Variants in ZNF202 observed in about 807,000 individuals in gnomAD.
ZNF202 encodes the protein zinc finger protein 202.
A neutral mutation model predicts 54.5 loss-of-function variants in ZNF202; 22 were observed. The ratio of observed to expected loss-of-function variants is 0.40; its 90% CI spans 0.29 to 0.58. ZNF202 has a LOEUF of 0.58. ZNF202 is among the 20% of genes least tolerant of loss of function. The probability of loss-of-function intolerance (pLI) is 0.39; values close to 1 mark genes in which losing one functional copy is unlikely to be tolerated. For missense variants in ZNF202, 644 were observed against 805.5 expected, an observed-to-expected ratio of 0.80 and a Z score of 2.43; for synonymous variants, 294 against 301.4, an observed-to-expected ratio of 0.98 and a Z score of 0.26.
At chr11:123,728,057 C>A in intron 7 of ZNF202, 76 bp downstream of exon 7, 1 of 1,544,084 alleles carries the variant, frequency 6.5e-7, no homozygotes, top group South Asian at 1.1e-5. Flanking sequence ...AATCTAAGGT[C>A]TAAGATCCCC....
At chr11:123,732,023 T>C (rs1467758105) in intron 3 of ZNF202, among the ~76,000 whole-genome samples, 2 of 152,208 alleles carry the variant, frequency 1.3e-5, no homozygotes, top group Admixed American at 1.3e-4. Flanking sequence ...CAGTCTTCCA[T>C]GTCTTTTTGA....
chr11:123,736,229 C>T (rs778030898), intron 3 of ZNF202, among the ~76,000 whole-genome samples: 8 of 152,248 alleles, frequency 5.3e-5, no homozygotes, highest in Admixed American at 2.0e-4. Flanking sequence ...TACCTTAAAA[C>T]GCTACTAGCT....
rs747009236 is a variant in ZNF202 at position 123,726,757 on chromosome 11, T to A, written c.1187A>T (p.His396Leu). 6 of 1,614,248 alleles carry A rather than the reference T, an allele frequency of 3.7e-6. No homozygotes were observed. The East Asian group carries it at 1.3e-4, about 36-fold the overall frequency. Reference protein sequence around the residue: ...TTPVHPLLGRHHDCSVCGKSF... With the variant: ...TTPVHPLLGRLHDCSVCGKSF... ...CTTTCCACACACAGAACAGTCATGA[T>A]GCCTCCCTAACAGGGGGTGGACGGG... is the stretch of plus-strand genomic sequence containing the variant. The change falls in exon 9 of 9, where the codon CAT becomes CTT. Residue 396 changes from histidine to leucine, a missense_variant. Around this residue, in one of 3 missense-constraint regions of ZNF202, gnomAD observed 536 missense variants for 635.3 expected, o/e 0.84. Coordinates refer to ENST00000530393, the MANE Select transcript of ZNF202 (RefSeq NM_003455.4). The surrounding 1 kb of genome is among the most constrained non-coding windows in gnomAD (Gnocchi z 6.0).
chr11:123,737,573 A>G (rs983062133), intron 3 of ZNF202, among the ~76,000 whole-genome samples: 2 of 152,208 alleles, frequency 1.3e-5, no homozygotes, highest in African/African-American at 4.8e-5. Context: ...CTGTCTGGAA[A>G]TGCTGCAGAT....
Position 123,726,610 on chromosome 11 carries a change from T to G in ZNF202, c.1334A>C (p.Lys445Thr), listed in dbSNP as rs760481670. 1.4e-5 allele frequency: 23 copies of G among 1,614,078 alleles called. No individual in the cohort carries two copies. The East Asian group carries it at 4.5e-4, about 31-fold the overall frequency. ...TRSSHLARHQ[K>T]VHKMNAPYKY... ...GTAAGGCGCGTTCATCTTGTGAACC[T>G]TTTGGTGCCTGGCAAGATGTGAGCT... Residue 445 changes from lysine to threonine, a missense_variant, in exon 9 of 9, where the codon AAG becomes ACG. Lys to Thr is a moderately conservative substitution (Grantham distance 78, BLOSUM62 -1). This residue lies in a region of ZNF202 where 536 missense variants were observed against 635.3 expected (regional missense o/e 0.84). Transcript: ENST00000530393. The surrounding 1 kb of genome is among the most constrained non-coding windows in gnomAD (Gnocchi z 6.0).
chr11:123,735,805 TTG>T (rs573862912), intron 3 of ZNF202, among the ~76,000 whole-genome samples: 6 of 152,370 alleles, frequency 3.9e-5, no homozygotes, highest in Admixed American at 1.3e-4. Flanking sequence ...AAAACAGATG[TTG>T]TGTTTTTATT....
At chr11:123,732,319 TGAA>T (rs1264617389) in intron 3 of ZNF202, among the ~76,000 whole-genome samples, 1 of 152,208 alleles carries the variant, frequency 6.6e-6, no homozygotes, top group Non-Finnish European at 1.5e-5. Flanking sequence ...TCTTGTTAAG[TGAA>T]ATACAAACTT....
Position 123,726,791 on chromosome 11 carries a change from C to T in ZNF202, c.1153G>A (p.Glu385Lys), listed in dbSNP as rs1591373457. ...SQVNSFVNLR[E>K]TTPVHPLLGR... Reference sequence around the variant, plus strand: ...AACAGGGGGTGGACGGGTGTAGTTTCCCGAAGGTTCACAAAACTATTCACT... The same window carrying T: ...AACAGGGGGTGGACGGGTGTAGTTTTCCGAAGGTTCACAAAACTATTCACT... Residue 385 changes from glutamate (E) to lysine (K), a missense_variant, in exon 9 of 9, where the codon GAA (glutamate) becomes AAA (lysine). Physicochemically the swap from Glu to Lys is moderately conservative, Grantham distance 56 (BLOSUM62 1). Coordinates refer to ENST00000530393, the MANE Select transcript of ZNF202 (RefSeq NM_003455.4). The surrounding 1 kb of genome is among the most constrained non-coding windows in gnomAD (Gnocchi z 6.0). The T allele has an allele frequency of 6.2e-7, 1 of 1,614,188 alleles. No homozygotes were observed. The highest frequency in any genetic ancestry group is 2.2e-5 in the East Asian group (1 of 44,882).
At chr11:123,739,750 C>CA (rs1161372280) in intron 3 of ZNF202, among the ~76,000 whole-genome samples, 1 of 152,208 alleles carries the variant, frequency 6.6e-6, no homozygotes, top group Non-Finnish European at 1.5e-5. Flanking sequence ...CAACCTACTG[C>CA]AATACATATA....
Position 123,729,739 on chromosome 11 carries a change from C to T in ZNF202, c.489G>A (p.Gln163=). The change falls in exon 5 of 9, where the codon CAG becomes CAA. Residue 163 remains glutamine, a synonymous_variant. Transcript: ENST00000530393. ...CGGGGGTCGAGCTTTGCACAGGATC[C>T]TGCAGCTCATTAGGTGACTCAGGCT... ...GVEPESPNEL[Q]DPVQSSTPEQ... 6.2e-7 allele frequency: 1 copy of T among 1,614,040 alleles called. No individual in the cohort carries two copies. Among genetic ancestry groups the T allele is most frequent in the Non-Finnish European group, 8.5e-7 (1 of 1,179,982 alleles).
intron 6 of ZNF202, 134 bp from the exon 7 acceptor site, chr11:123,728,396 A>C: frequency 6.8e-5 from 79 of 1,164,786 alleles, no homozygotes; most frequent in Middle Eastern, 2.5e-4. Flanking sequence ...GCTTAAACTC[A>C]TTCTCGGGGG....
intron 3 of ZNF202, among the ~76,000 whole-genome samples, chr11:123,736,081 CAAGGT>C (rs1861625349): frequency 6.6e-6 from 1 of 152,168 alleles, no homozygotes; most frequent in East Asian, 1.9e-4. Flanking sequence ...GAGGAGCTAT[CAAGGT>C]AAGACCTCTG....
chr11:123,729,557 TGTC>T, intron 5 of ZNF202, 55 bp downstream of exon 5: 1 of 1,438,206 alleles, frequency 7.0e-7, no homozygotes, highest in East Asian at 2.5e-5. Flanking sequence ...GTCCGAGAAA[TGTC>T]CCCCTCCTTG....
chr11:123,727,133 T>C (rs973413571), intron 8 of ZNF202, 142 bp from the exon 9 acceptor site: 1 of 1,112,282 alleles, frequency 9.0e-7, no homozygotes, highest in Admixed American at 2.4e-5. Context: ...TCTCATATTG[T>C]TATGCTATCA....
intron 3 of ZNF202, among the ~76,000 whole-genome samples, chr11:123,732,347 T>C (rs1861445452): frequency 6.6e-6 from 1 of 152,206 alleles, no homozygotes; most frequent in Admixed American, 6.5e-5. Context: ...CATTCTACAT[T>C]AGGTTGACGT....
Position 123,726,501 on chromosome 11 carries a change from A to G in ZNF202, c.1443T>C (p.Tyr481=), listed in dbSNP as rs747364472. The part of the protein sequence containing the change: ...AERTPSVEKP[Y]RCDDCGKHFR... ...AGTGCTTTCCGCAATCATCACATCT[A>G]TAGGGTTTCTCCACTGATGGAGTTC... Residue 481 remains tyrosine (Y), a synonymous_variant, in exon 9 of 9, where the codon TAT becomes TAC. Transcript: ENST00000530393. This position sits in a 1 kb window ranked among gnomAD's most constrained non-coding sequence, Gnocchi z 6.0. 50 of 1,614,084 alleles carry G rather than the reference A, an allele frequency of 3.1e-5. No individual in the cohort carries two copies. Among genetic ancestry groups the G allele is most frequent in the Non-Finnish European group, 3.9e-5 (46 of 1,180,032 alleles).
intron 3 of ZNF202, among the ~76,000 whole-genome samples, chr11:123,731,271 C>A (rs1219489227): frequency 2.0e-5 from 3 of 152,180 alleles, no homozygotes; most frequent in Admixed American, 1.3e-4. Flanking sequence ...GTCTCCAAAC[C>A]GGTTCCCTTC....
At chr11:123,728,439 C>A (rs1009175834) in intron 6 of ZNF202, among the ~76,000 whole-genome samples, 177 bp from the exon 7 acceptor site, 9 of 151,856 alleles carry the variant, frequency 5.9e-5, no homozygotes, top group African/African-American at 2.2e-4. Context: ...TGGCCCTGCC[C>A]CCTCCAACTC....
At position 123,730,457 on chromosome 11, in the gene ZNF202, A is replaced by G. The variant is rs762614132; in HGVS notation, c.402+30T>C. ...CTTCCAGCAAATAGTCCCCCTCCAC[A>G]TCACACAGATCAGGACTCCCCCTCC... is the stretch of plus-strand genomic sequence containing the variant. On this transcript the variant is annotated intron_variant, in intron 4 of 8. Coordinates refer to ENST00000530393, the MANE Select transcript of ZNF202 (RefSeq NM_003455.4). The surrounding 1 kb of genome is among the most constrained non-coding windows in gnomAD (Gnocchi z 6.0). 8 of 1,500,688 alleles carry G rather than the reference A, an allele frequency of 5.3e-6. No individual in the cohort carries two copies. Among genetic ancestry groups the G allele is most frequent in the Non-Finnish European group, 7.1e-6 (8 of 1,126,488 alleles). The allele number at this position is 1,500,688 out of a possible 1,614,324, so 93.0% of individuals were successfully genotyped here.
Sources: gnomAD v4.1 joint callset for allele counts (sites outside exome capture counted in the v4.1 genomes callset) on GRCh38, gnomAD v4.1.1 for gene constraint, gnomAD v4.1.1 regional missense constraint, Gnocchi (gnomAD v3.1) non-coding constraint, MANE v1.5 for transcripts, NCBI Gene and HGNC (gene_info 2026-07-23, HGNC 2026-07-21) for gene names.